The following HS3ST4 variants were observed in gnomAD, a reference collection of about 807,000 sequenced individuals.
The protein encoded by HS3ST4 is heparan sulfate-glucosamine 3-sulfotransferase 4, also known as heparan sulfate glucosamine 3-O-sulfotransferase 4.
A neutral mutation model predicts 29.2 loss-of-function variants in HS3ST4; 17 were observed. That is an observed-to-expected ratio of 0.58 (90% CI 0.40 to 0.87). HS3ST4 has a LOEUF of 0.87. Among genes scored for constraint, HS3ST4 ranks in the 40% least tolerant of loss-of-function variants. The pLI is 0.00. For synonymous variants in HS3ST4, 314 were observed against 285.7 expected (o/e 1.10, Z -1.00); for missense variants, 627 against 634.5 (o/e 0.99, Z 0.13).
chr16:26,125,104 T>A (rs930779315), intron 1 of HS3ST4, among the ~76,000 whole-genome samples: 7 of 152,344 alleles, frequency 4.6e-5, no homozygotes, highest in African/African-American at 1.7e-4. Flanking sequence ...TTGAATCTAT[T>A]CTCATATTCT....
chr16:26,014,043 A>AAATAAATAAAT (rs1969339897), intron 1 of HS3ST4, among the ~76,000 whole-genome samples: 1 of 69,676 alleles, frequency 1.4e-5, no homozygotes, highest in African/African-American at 6.2e-5. Flanking sequence ...AATAAATAAA[A>AAATAAATAAAT]CAAAAATTAA....
At position 25,831,451 on chromosome 16, in the gene HS3ST4, C is replaced by T. The variant is rs932042684; in HGVS notation, c.734+138300C>T. ...CACACACACACACACACAAACCTGA[C>T]GTGGTCACATTCACATGTAGTCCCA... is the stretch of plus-strand genomic sequence containing the variant. On this transcript the variant is annotated intron_variant, in intron 1 of 1. Transcript: ENST00000331351. Among the ~76,000 whole-genome samples, 8 of 143,494 alleles carry T rather than the reference C, an allele frequency of 5.6e-5. No homozygotes were observed. The East Asian group carries it at 1.1e-3, about 19-fold the overall frequency. The allele number at this position is 143,494 out of a possible 152,430, so 94.1% of individuals were successfully genotyped here.
intron 1 of HS3ST4, among the ~76,000 whole-genome samples, chr16:25,880,693 C>A (rs1417000549): frequency 2.0e-5 from 3 of 152,188 alleles, no homozygotes; most frequent in Non-Finnish European, 4.4e-5. Flanking sequence ...GTGCATACCC[C>A]AGTAATTGCT....
intron 1 of HS3ST4, among the ~76,000 whole-genome samples, chr16:26,133,988 A>C (rs545523108): frequency 5.4e-4 from 83 of 152,344 alleles, no homozygotes; most frequent in African/African-American, 1.9e-3. Context: ...TGGTCTACAT[A>C]TGCCTGTAGC....
intron 1 of HS3ST4, among the ~76,000 whole-genome samples, chr16:25,855,732 G>T (rs114910176): frequency 0.014 from 2,151 of 152,184 alleles, 59 homozygotes; most frequent in African/African-American, 0.049. Flanking sequence ...TCACCAAGGG[G>T]CTGTGTGTGT....
At chr16:25,706,422 G>C (rs1966376437) in intron 1 of HS3ST4, among the ~76,000 whole-genome samples, 1 of 151,760 alleles carries the variant, frequency 6.6e-6, no homozygotes, top group South Asian at 2.1e-4. Context: ...TAAGTTCTGG[G>C]ATACATGTGC....
intron 1 of HS3ST4, among the ~76,000 whole-genome samples, chr16:25,984,020 CA>C (rs1969036629): frequency 6.6e-6 from 1 of 152,080 alleles, no homozygotes; most frequent in Non-Finnish European, 1.5e-5. Flanking sequence ...TGTACCAGAT[CA>C]GGGTAATTTG....
chr16:25,809,555 T>A (rs1967021216), intron 1 of HS3ST4, among the ~76,000 whole-genome samples: 1 of 152,186 alleles, frequency 6.6e-6, no homozygotes, highest in Admixed American at 6.5e-5. Flanking sequence ...TCTTCTATAT[T>A]TGGGAAGAGA....
rs1465977283 is a variant in HS3ST4, at chr16:25,692,431, C to T, written c.14C>T (p.Pro5Leu). 2 of 1,153,104 alleles carry T rather than the reference C, an allele frequency of 1.7e-6. No individual in the cohort carries two copies. Among genetic ancestry groups the T allele is most frequent in the East Asian group, 8.2e-5 (2 of 24,456 alleles). The allele number at this position is 1,153,104 out of a possible 1,614,324, so 71.4% of individuals were successfully genotyped here. The change falls in exon 1 of 2, where the codon CCC (proline) becomes CTC (leucine). Residue 5 changes from proline (P) to leucine (L), a missense_variant. By Grantham distance (98) the Pro-to-Leu change is moderately conservative. This residue lies in a region of HS3ST4 where 402 missense variants were observed against 340.8 expected (regional missense o/e 1.18). Transcript: ENST00000331351. Reference sequence around the variant, plus strand: ...CCGGGAGCCGCGATGGCCCGGTGGCCCGCACCTCCTCCGCCTCCGCCTCCG... The same window carrying T: ...CCGGGAGCCGCGATGGCCCGGTGGCTCGCACCTCCTCCGCCTCCGCCTCCG... The part of the protein sequence containing the change: MARW[P>L]APPPPPPPPP...
chr16:25,903,886 A>G (rs959212357), intron 1 of HS3ST4, among the ~76,000 whole-genome samples: 7 of 152,170 alleles, frequency 4.6e-5, no homozygotes, highest in Admixed American at 6.5e-5. Context: ...AATTCATTTG[A>G]CCACTATTTT....
intron 1 of HS3ST4, among the ~76,000 whole-genome samples, chr16:25,770,461 G>A (rs1178050190): frequency 6.6e-6 from 1 of 152,152 alleles, no homozygotes; most frequent in Non-Finnish European, 1.5e-5. Context: ...TAACACACAA[G>A]AGGGCAGGCA....
Position 25,871,337 on chromosome 16 carries a change from C to T in HS3ST4, c.734+178186C>T, listed in dbSNP as rs375828015. Among the ~76,000 whole-genome samples the T allele has an allele frequency of 6.6e-5, 10 of 152,260 alleles. No homozygotes were observed. The East Asian group carries it at 1.7e-3, about 26-fold the overall frequency. ...GCCAGAGCTGCCCATCATTATTCTTCTAGGTGCAGCAGATCTGAGAGGCAT... is the reference window on the plus strand; with the variant it reads ...GCCAGAGCTGCCCATCATTATTCTTTTAGGTGCAGCAGATCTGAGAGGCAT... On this transcript the variant is annotated intron_variant, in intron 1 of 1. Coordinates refer to ENST00000331351, the MANE Select transcript of HS3ST4 (RefSeq NM_006040.3).
intron 1 of HS3ST4, among the ~76,000 whole-genome samples, chr16:25,867,645 T>G (rs1462115767): frequency 6.6e-6 from 1 of 152,208 alleles, no homozygotes; most frequent in African/African-American, 2.4e-5. Flanking sequence ...AGGTATTTTC[T>G]GTGTAGGTTT....
rs1468298676 is a variant in HS3ST4, at chr16:26,136,459, G to A, written c.*211G>A. ...TGGAGGAACCAGGCCCATCTGGGCAGCAGCATCTGGTTGACCAGATGGCCA... is the reference window on the plus strand; with the variant it reads ...TGGAGGAACCAGGCCCATCTGGGCAACAGCATCTGGTTGACCAGATGGCCA... On this transcript the variant is annotated 3_prime_UTR_variant, in exon 2 of 2. Transcript: ENST00000331351. The A allele has an allele frequency of 3.4e-6, 2 of 586,458 alleles. No homozygotes were observed. Among genetic ancestry groups the A allele is most frequent in the Admixed American group, 3.1e-5 (1 of 31,848 alleles). 36.3% of individuals were successfully genotyped at this position (586,458 alleles called of 1,614,324 possible). A position where few individuals can be genotyped will look rare whatever the true frequency, so the allele number is the denominator to read the frequency against.
chr16:26,035,749 G>T (rs1245916076), intron 1 of HS3ST4, among the ~76,000 whole-genome samples: 1 of 152,158 alleles, frequency 6.6e-6, no homozygotes, highest in Non-Finnish European at 1.5e-5. Flanking sequence ...GCAGCCAGAG[G>T]AATGTTTTCC....
rs144755379 is a variant in HS3ST4, at chr16:25,780,929, C to G, written c.734+87778C>G. Among the ~76,000 whole-genome samples the G allele has an allele frequency of 3.1e-3, 473 of 152,248 alleles. 3 individuals carry two copies. Among genetic ancestry groups the G allele is most frequent in the African/African-American group, 0.011 (453 of 41,550 alleles). On this transcript the variant is annotated intron_variant, in intron 1 of 1. Coordinates refer to ENST00000331351, the MANE Select transcript of HS3ST4 (RefSeq NM_006040.3). Reference sequence around the variant, plus strand: ...TTGGGTTGAAAATTCTGGAAGGCCCCACTGACTTACCGGTACCTATTCAGT... The same window carrying G: ...TTGGGTTGAAAATTCTGGAAGGCCCGACTGACTTACCGGTACCTATTCAGT...
chr16:25,907,623 C>T (rs562252105), intron 1 of HS3ST4, among the ~76,000 whole-genome samples: 1 of 152,152 alleles, frequency 6.6e-6, no homozygotes, highest in African/African-American at 2.4e-5. Flanking sequence ...GAGAAGGACC[C>T]AAAGATACCC....
chr16:25,793,775 G>A (rs1291967119), intron 1 of HS3ST4, among the ~76,000 whole-genome samples: 1 of 151,830 alleles, frequency 6.6e-6, no homozygotes. Flanking sequence ...CTGATATGCT[G>A]GGATTTATAA....
intron 1 of HS3ST4, among the ~76,000 whole-genome samples, chr16:26,091,878 G>C (rs996771492): frequency 6.6e-6 from 1 of 152,182 alleles, no homozygotes. Flanking sequence ...TTGAGCGCCT[G>C]CTCTGTACTG....
Sources: allele counts gnomAD v4.1 joint callset (sites outside exome capture counted in the v4.1 genomes callset), GRCh38; gene constraint gnomAD v4.1.1; regional missense constraint gnomAD v4.1.1; transcripts MANE v1.5; gene names NCBI Gene and HGNC (gene_info 2026-07-23, HGNC 2026-07-21).